TMEM39B: variants seen among roughly 807,000 people sequenced by gnomAD.
TMEM39B encodes the protein transmembrane protein 39B.
Under a neutral mutation model 52.2 loss-of-function variants are expected in TMEM39B, and 23 were observed. That is an observed-to-expected ratio of 0.44 (90% confidence interval 0.32 to 0.62). The LOEUF is 0.62. Ranked by LOEUF, TMEM39B falls within the 20% of genes least tolerant of loss-of-function variation. The probability of loss-of-function intolerance (pLI) is 0.06; values close to 1 mark genes in which losing one functional copy is unlikely to be tolerated. For missense variants in TMEM39B, 547 were observed against 642.0 expected (o/e 0.85, Z 1.60); for synonymous variants, 285 against 264.0 (o/e 1.08, Z -0.77).
chr1:32,093,841 CAG>C (rs1640705376), intron 6 of TMEM39B, among the ~76,000 whole-genome samples: 1 of 151,576 alleles, frequency 6.6e-6, no homozygotes, highest in African/African-American at 2.4e-5. Flanking sequence ...GTTTTTGAGA[CAG>C]AGTCTCGCTC....
chr1:32,084,860 C>T (rs1344371185), intron 5 of TMEM39B, among the ~76,000 whole-genome samples: 1 of 152,150 alleles, frequency 6.6e-6, no homozygotes, highest in Non-Finnish European at 1.5e-5. Context: ...GCCATCGCAC[C>T]CAGTCTCAGT....
chr1:32,077,669 C>G (rs1639923610), intron 5 of TMEM39B, among the ~76,000 whole-genome samples: 1 of 152,110 alleles, frequency 6.6e-6, no homozygotes, highest in African/African-American at 2.4e-5. Flanking sequence ...CTGTGTCTCT[C>G]TTTGTGTATC....
intron 5 of TMEM39B, among the ~76,000 whole-genome samples, chr1:32,091,308 A>C (rs374017967): frequency 3.3e-5 from 5 of 152,170 alleles, no homozygotes; most frequent in Admixed American, 6.5e-5. Flanking sequence ...TTGTTATGAG[A>C]AAAGCGTTTG....
In TMEM39B at chr1:32,073,257, CT is replaced by C. The variant is rs1256289969; in HGVS notation, c.4+208del. The C allele has an allele frequency of 9.6e-5, 59 of 615,226 alleles. No homozygotes were observed. In the South Asian group the frequency reaches 1.2e-3, roughly 13 times the overall value. 38.1% of individuals were successfully genotyped at this position (615,226 alleles called of 1,614,324 possible). A position where few individuals can be genotyped will look rare whatever the true frequency, so the allele number is the denominator to read the frequency against. On this transcript the variant is annotated intron_variant, in intron 1 of 8. Coordinates refer to ENST00000336294, the MANE Select transcript of TMEM39B (RefSeq NM_018056.4). The stretch of plus-strand genomic sequence containing the variant: ...GCGGGACATTGGACGGTGGGCGGGG[CT>C]TCTAAGACGAAGCCCTGTGGGGGCT...
Position 32,076,820 on chromosome 1 carries a change from C to T in TMEM39B, c.409C>T (p.Arg137Cys), listed in dbSNP as rs778604874. Residue 137 changes from arginine to cysteine, a missense_variant, in exon 4 of 9, where the codon CGC becomes TGC. Transcript: ENST00000336294. ...LMVTTIVLGR[R>C]FIGSIVKEAS... ...GGTGACCACCATCGTTCTGGGCCGC[C>T]GCTTCATTGGGTCCATCGTGAAGGA... 6.2e-7 allele frequency: 1 copy of T among 1,614,086 alleles called. No homozygotes were observed. The highest frequency in any genetic ancestry group is 8.5e-7 in the Non-Finnish European group (1 of 1,180,006).
intron 5 of TMEM39B, among the ~76,000 whole-genome samples, chr1:32,083,878 T>G (rs1289521459): frequency 6.6e-6 from 1 of 152,110 alleles, no homozygotes; most frequent in Non-Finnish European, 1.5e-5. Context: ...CCCAAGTAGC[T>G]GGGACTACAG....
chr1:32,094,739 C>T, intron 6 of TMEM39B, 45 bp from the exon 7 acceptor site: 1 of 1,603,164 alleles, frequency 6.2e-7, no homozygotes, highest in Non-Finnish European at 8.5e-7. Flanking sequence ...GGGAATGAGG[C>T]CATTATGGGG....
intron 1 of TMEM39B, among the ~76,000 whole-genome samples, chr1:32,074,436 C>T (rs1475656020): frequency 6.6e-6 from 1 of 152,150 alleles, no homozygotes; most frequent in East Asian, 1.9e-4. Context: ...GGTTCATTCA[C>T]TCATCAACAT....
chr1:32,091,917 T>G lies in TMEM39B; in HGVS notation c.833T>G (p.Leu278Arg). ...PSLIRSEVEFLKMDFNWRMKE... is the reference protein window; with the variant it reads ...PSLIRSEVEFRKMDFNWRMKE... ...CTCATCCGCAGTGAGGTGGAGTTCC[T>G]CAAGATGGACTTCAACTGGCGCATG... Residue 278 changes from leucine to arginine, a missense_variant, in exon 6 of 9, where the codon CTC becomes CGC. Transcript: ENST00000336294. 1 of 1,614,212 alleles carries G rather than the reference T, an allele frequency of 6.2e-7. No homozygotes were observed. The highest frequency in any genetic ancestry group is 8.5e-7 in the Non-Finnish European group (1 of 1,180,036).
At chr1:32,074,325 G>A (rs1639762442) in intron 1 of TMEM39B, among the ~76,000 whole-genome samples, 1 of 152,086 alleles carries the variant, frequency 6.6e-6, no homozygotes, top group Non-Finnish European at 1.5e-5. Context: ...ATGTCTGAAT[G>A]GGGCCCAATG....
intron 5 of TMEM39B, among the ~76,000 whole-genome samples, chr1:32,082,174 A>G (rs1034686129): frequency 2.0e-5 from 3 of 152,010 alleles, no homozygotes; most frequent in African/African-American, 4.8e-5. Context: ...TAGGCACCCT[A>G]TCCAACCACT....
rs1331922519 is a variant in TMEM39B, at chr1:32,076,850, A to T, written c.435+4A>T. The stretch of plus-strand genomic sequence containing the variant: ...CATTGGGTCCATCGTGAAGGAGGTG[A>T]TTGGGTCCTAGAGGCTGGCCAGGGA... On this transcript the variant is annotated splice_donor_region_variant and intron_variant, in intron 4 of 8. Coordinates refer to ENST00000336294, the MANE Select transcript of TMEM39B (RefSeq NM_018056.4). 33 of 1,613,964 alleles carry T rather than the reference A, an allele frequency of 2.0e-5. No homozygotes were observed. Among genetic ancestry groups the T allele is most frequent in the Non-Finnish European group, 2.5e-5 (29 of 1,179,978 alleles).
chr1:32,094,984 A>T lies in TMEM39B; in HGVS notation c.1115+13A>T. 1 of 1,610,416 alleles carries T rather than the reference A, an allele frequency of 6.2e-7. No homozygotes were observed. The highest frequency in any genetic ancestry group is 1.7e-5 in the Admixed American group (1 of 59,948). On this transcript the variant is annotated intron_variant, in intron 7 of 8. Coordinates refer to ENST00000336294, the MANE Select transcript of TMEM39B (RefSeq NM_018056.4). ...TGCTGCAGCACCCGTGAGTCACCCT[A>T]CCCTGCTCAACCCAATCCCAGCCCT...
At chr1:32,076,060 AT>A (rs1051294990) in intron 3 of TMEM39B, 2 of 271,366 alleles carry the variant, frequency 7.4e-6, no homozygotes, top group Non-Finnish European at 1.4e-5. Flanking sequence ...TCTGACAAAG[AT>A]TTTGCCTAAA....
At chr1:32,089,943 C>T (rs1239234071) in intron 5 of TMEM39B, among the ~76,000 whole-genome samples, 3 of 151,556 alleles carry the variant, frequency 2.0e-5, no homozygotes, top group Non-Finnish European at 4.4e-5. Context: ...GTGGGAGAAT[C>T]GCTTGAACCC....
At chr1:32,086,005 AGTGAGTGAAGTGCTG>A (rs988193017) in intron 5 of TMEM39B, among the ~76,000 whole-genome samples, 1 of 151,982 alleles carries the variant, frequency 6.6e-6, no homozygotes, top group Non-Finnish European at 1.5e-5. Context: ...TTTGAGGATG[AGTGAGTGAAGTGCTG>A]GTTGTTAGGC....
intron 5 of TMEM39B, among the ~76,000 whole-genome samples, chr1:32,079,582 A>G (rs1443991244): frequency 2.0e-5 from 3 of 151,970 alleles, no homozygotes; most frequent in African/African-American, 4.8e-5. Context: ...CTGAACTTCT[A>G]TGCAGGCACC....
At chr1:32,074,330 C>A (rs549014149) in intron 1 of TMEM39B, among the ~76,000 whole-genome samples, 60 of 152,114 alleles carry the variant, frequency 3.9e-4, no homozygotes, top group Middle Eastern at 3.4e-3. Context: ...TGAATGGGGC[C>A]CAATGTGTAC....
At chr1:32,089,968 G>T (rs1456247485) in intron 5 of TMEM39B, among the ~76,000 whole-genome samples, 3 of 151,696 alleles carry the variant, frequency 2.0e-5, no homozygotes, top group Non-Finnish European at 4.4e-5. Flanking sequence ...GGCGGAGGTT[G>T]CAGTGAGCTA....
Sources: allele counts gnomAD v4.1 joint callset (sites outside exome capture counted in the v4.1 genomes callset), GRCh38; gene constraint gnomAD v4.1.1; transcripts MANE v1.5; gene names NCBI Gene and HGNC (gene_info 2026-07-23, HGNC 2026-07-21).